Variants in TRIM2 observed in about 807,000 individuals in gnomAD.
TRIM2 encodes tripartite motif containing 2, also known as tripartite motif-containing protein 2.
Under a neutral mutation model 75.2 loss-of-function variants are expected in TRIM2, and 20 were observed. The observed-to-expected ratio is 0.27, with a 90% CI of 0.19 to 0.39. The LOEUF is 0.39. TRIM2 is among the 10% of genes least tolerant of loss of function. TRIM2 has a pLI of 1.00. For synonymous variants in TRIM2, 373 were observed against 388.3 expected, an observed-to-expected ratio of 0.96 and a Z score of 0.46; for missense variants, 660 against 990.8, an observed-to-expected ratio of 0.67 and a Z score of 4.48.
chr4:153,292,269 C>T (rs1399619184), intron 3 of TRIM2, among the ~76,000 whole-genome samples: 5 of 152,202 alleles, frequency 3.3e-5, no homozygotes, highest in Admixed American at 1.3e-4. Context: ...AAGCCAGACG[C>T]TGCAGATATT....
At chr4:153,259,919 A>G (rs1752981468) in intron 1 of TRIM2, among the ~76,000 whole-genome samples, 5 of 152,204 alleles carry the variant, frequency 3.3e-5, no homozygotes, top group Admixed American at 3.3e-4. Context: ...AAATGTTTCT[A>G]TTCCCTTCTA....
At chr4:153,254,397 C>T (rs1751561986) in intron 1 of TRIM2, among the ~76,000 whole-genome samples, 1 of 152,206 alleles carries the variant, frequency 6.6e-6, no homozygotes, top group Non-Finnish European at 1.5e-5. Flanking sequence ...CTCTAATCTC[C>T]ATTCAGCTGG....
intron 1 of TRIM2, among the ~76,000 whole-genome samples, chr4:153,168,071 T>C (rs72727841): frequency 0.31 from 46,727 of 152,116 alleles, 7,506 homozygotes; most frequent in South Asian, 0.43. Context: ...AGCCAGCTAC[T>C]TATAAGTAAA....
intron 1 of TRIM2, among the ~76,000 whole-genome samples, chr4:153,160,338 A>G (rs1306405380): frequency 6.6e-6 from 1 of 152,252 alleles, no homozygotes; most frequent in East Asian, 1.9e-4. Flanking sequence ...GGTTCTAGAA[A>G]TAAGCGCTTT....
chr4:153,198,585 A>G (rs187796069), intron 1 of TRIM2, among the ~76,000 whole-genome samples: 1 of 152,234 alleles, frequency 6.6e-6, no homozygotes, highest in East Asian at 1.9e-4. Context: ...CCATTCATCT[A>G]TGTATTATCC....
rs1772808324 is a variant in TRIM2, at chr4:153,339,113, G to A, written c.*4147G>A. 2 of 985,722 alleles carry A rather than the reference G, an allele frequency of 2.0e-6. No homozygotes were observed. The highest frequency in any genetic ancestry group is 2.4e-6 in the Non-Finnish European group (2 of 829,890). The allele number at this position is 985,722 out of a possible 1,614,324, so 61.1% of individuals were successfully genotyped here. A position where few individuals can be genotyped will look rare whatever the true frequency, so the allele number is the denominator to read the frequency against. On this transcript the variant is annotated 3_prime_UTR_variant, in exon 12 of 12. Coordinates refer to ENST00000338700, the MANE Select transcript of TRIM2 (RefSeq NM_015271.5). ...TCTTTTATGAATCAAAATGTTGACTGCCTATTTAAAGAAAAGAATGAACGC... is the reference window on the plus strand; with the variant it reads ...TCTTTTATGAATCAAAATGTTGACTACCTATTTAAAGAAAAGAATGAACGC...
At chr4:153,263,020 G>A (rs970415330) in intron 1 of TRIM2, among the ~76,000 whole-genome samples, 14 of 152,182 alleles carry the variant, frequency 9.2e-5, no homozygotes, top group Non-Finnish European at 2.9e-5. Context: ...GATGGTTTAT[G>A]TTGCTAAGCA....
At chr4:153,216,842 C>A (rs1272110206) in intron 1 of TRIM2, among the ~76,000 whole-genome samples, 1 of 152,110 alleles carries the variant, frequency 6.6e-6, no homozygotes, top group Non-Finnish European at 1.5e-5. Context: ...GGCATTAATC[C>A]GTTCATGAAA....
intron 10 of TRIM2, among the ~76,000 whole-genome samples, chr4:153,325,667 A>T (rs1202071517): frequency 6.6e-6 from 1 of 152,218 alleles, no homozygotes; most frequent in African/African-American, 2.4e-5. Context: ...ATTCAGCAAG[A>T]AGGAAACCCA....
chr4:153,184,934 G>A (rs1732441087), intron 1 of TRIM2, among the ~76,000 whole-genome samples: 1 of 152,098 alleles, frequency 6.6e-6, no homozygotes, highest in African/African-American at 2.4e-5. Flanking sequence ...GTGACAGAGT[G>A]AGACTCTGTC....
chr4:153,325,427 TC>T (rs1318984201), intron 10 of TRIM2, among the ~76,000 whole-genome samples: 2 of 152,144 alleles, frequency 1.3e-5, no homozygotes, highest in African/African-American at 4.8e-5. Context: ...GAAACTACTG[TC>T]CATGGGAAGT....
chr4:153,164,666 T>A (rs560243094), intron 1 of TRIM2, among the ~76,000 whole-genome samples: 1 of 152,328 alleles, frequency 6.6e-6, no homozygotes, highest in Non-Finnish European at 1.5e-5. Context: ...CTTCCTGAAA[T>A]GTCCTTGGAT....
Position 153,315,576 on chromosome 4 carries a change from C to A in TRIM2, c.1602C>A (p.Asn534Lys). The change falls in exon 7 of 12, where the codon AAC (asparagine) becomes AAA (lysine). Residue 534 changes from asparagine (N) to lysine (K), a missense_variant. Asn to Lys is a moderately conservative substitution (Grantham distance 94, BLOSUM62 0). Around this residue, in one of 2 missense-constraint regions of TRIM2, gnomAD observed 620 missense variants for 891.0 expected, o/e 0.70. Coordinates refer to ENST00000338700, the MANE Select transcript of TRIM2 (RefSeq NM_015271.5). ...AGATATTAATTGCAGACAGTAACAA[C>A]CAATGTGTGCAGGTATAGCCCCTAA... The part of the protein sequence containing the change: ...NGKILIADSN[N>K]QCVQIFSNDG... 6.2e-7 allele frequency: 1 copy of A among 1,610,410 alleles called. No homozygotes were observed. Among genetic ancestry groups the A allele is most frequent in the East Asian group, 2.2e-5 (1 of 44,758 alleles).
At chr4:153,276,157 C>T (rs750661948) in intron 3 of TRIM2, 27 bp downstream of exon 3, 6 of 1,589,240 alleles carry the variant, frequency 3.8e-6, no homozygotes, top group Admixed American at 1.7e-5. Flanking sequence ...GCAGATACTG[C>T]CCGGGAGCAT....
chr4:153,295,597 C>G lies in TRIM2; in HGVS notation c.1071C>G (p.Ala357=). The G allele has an allele frequency of 6.2e-7, 1 of 1,613,920 alleles. No homozygotes were observed. The highest frequency in any genetic ancestry group is 1.7e-5 in the Admixed American group (1 of 60,022). ...ACGCCGTTGCCTCAGAGACAGTGGC[C>G]ACGGGCGAGGGGCTGCGGCAGACCA... ...TTNAVASETV[A]TGEGLRQTII... is the part of the protein sequence containing the mutation. Residue 357 remains alanine, a synonymous_variant, in exon 6 of 12, where the codon GCC becomes GCG. Coordinates refer to ENST00000338700, the MANE Select transcript of TRIM2 (RefSeq NM_015271.5). The surrounding 1 kb of genome is among the most constrained non-coding windows in gnomAD (Gnocchi z 7.2).
chr4:153,189,405 A>C (rs2149655719), intron 1 of TRIM2, among the ~76,000 whole-genome samples: 1 of 152,308 alleles, frequency 6.6e-6, no homozygotes, highest in Non-Finnish European at 1.5e-5. Flanking sequence ...GGCATGTTCT[A>C]ATTGGTGACT....
chr4:153,326,905 A>C (rs1770313270), intron 10 of TRIM2, among the ~76,000 whole-genome samples: 1 of 150,414 alleles, frequency 6.6e-6, no homozygotes, highest in African/African-American at 2.4e-5. Context: ...TGCTTGAACC[A>C]GGAAGTGGAG....
At chr4:153,262,995 G>A (rs1488143792) in intron 1 of TRIM2, among the ~76,000 whole-genome samples, 1 of 152,126 alleles carries the variant, frequency 6.6e-6, no homozygotes, top group Non-Finnish European at 1.5e-5. Context: ...TGTCACTAAT[G>A]TTTACCCTCT....
At chr4:153,230,675 C>T (rs1247461999) in intron 1 of TRIM2, among the ~76,000 whole-genome samples, 1 of 152,202 alleles carries the variant, frequency 6.6e-6, no homozygotes, top group Admixed American at 6.5e-5. Flanking sequence ...AGTATGCTAT[C>T]TGTCTTTTAT....
Sources: gnomAD v4.1 joint callset for allele counts (sites outside exome capture counted in the v4.1 genomes callset) on GRCh38, gnomAD v4.1.1 for gene constraint, gnomAD v4.1.1 regional missense constraint, Gnocchi (gnomAD v3.1) non-coding constraint, MANE v1.5 for transcripts, NCBI Gene and HGNC (gene_info 2026-07-23, HGNC 2026-07-21) for gene names.